The following TENM4 variants were observed in gnomAD, a reference collection of about 807,000 sequenced individuals.
TENM4 encodes teneurin transmembrane protein 4.
A neutral mutation model predicts 243.3 loss-of-function variants in TENM4; 82 were observed. The ratio of observed to expected loss-of-function variants is 0.34; its 90% CI spans 0.28 to 0.40. TENM4 has a LOEUF of 0.40. TENM4 is among the 10% of genes least tolerant of loss of function. The pLI is 1.00. For missense variants in TENM4, 3,138 were observed against 3,673.3 expected, an observed-to-expected ratio of 0.85 and a Z score of 3.77; for synonymous variants, 1,412 against 1,456.3, an observed-to-expected ratio of 0.97 and a Z score of 0.69.
At chr11:79,026,162 T>C in intron 6 of TENM4, among the ~76,000 whole-genome samples, 1 of 152,222 alleles carries the variant, frequency 6.6e-6, no homozygotes, top group Non-Finnish European at 1.5e-5. Context: ...TTACAGGTGG[T>C]ACAGTCGATT....
intron 4 of TENM4, among the ~76,000 whole-genome samples, chr11:79,123,623 A>G (rs1189674415): frequency 6.8e-6 from 1 of 146,302 alleles, no homozygotes. Context: ...TTTATTAAGA[A>G]TTTACTGAGC....
At position 79,173,761 on chromosome 11, in the gene TENM4, G is replaced by A. The variant is rs192067851; in HGVS notation, c.-162-24955C>T. On this transcript the variant is annotated intron_variant, in intron 3 of 33. Coordinates refer to ENST00000278550, the MANE Select transcript of TENM4 (RefSeq NM_001098816.3). ...AAGGGTATAGCAATCTGGGACTCGA[G>A]AAGTGAAAGCTGTAATAGTGCAGTT... Among the ~76,000 whole-genome samples the A allele has an allele frequency of 7.2e-5, 11 of 152,298 alleles. No individual in the cohort carries two copies. In the East Asian group the frequency reaches 1.5e-3, roughly 21 times the overall value.
At chr11:79,034,049 C>T (rs1332843475) in intron 6 of TENM4, among the ~76,000 whole-genome samples, 1 of 152,192 alleles carries the variant, frequency 6.6e-6, no homozygotes, top group Non-Finnish European at 1.5e-5. Flanking sequence ...AGCTGATTCT[C>T]AGTTTCCTTA....
chr11:78,933,247 A>T (rs947284155), intron 6 of TENM4, among the ~76,000 whole-genome samples: 46 of 152,138 alleles, frequency 3.0e-4, no homozygotes, highest in African/African-American at 1.1e-3. Context: ...TCTCCTCTAA[A>T]GAGCTGAGGA....
At chr11:79,364,502 T>C (rs1200474482) in intron 1 of TENM4, among the ~76,000 whole-genome samples, 1 of 152,150 alleles carries the variant, frequency 6.6e-6, no homozygotes, top group Non-Finnish European at 1.5e-5. Context: ...TCTCCGTAGG[T>C]ATGGGAAAGC....
At chr11:79,081,534 G>GGTGTGTGTGT (rs56237099) in intron 4 of TENM4, among the ~76,000 whole-genome samples, 14,381 of 148,132 alleles carry the variant, frequency 0.097, 780 homozygotes, top group East Asian at 0.22. Context: ...TGTCAGAGGT[G>GGTGTGTGTGT]GTGTGTGTGT....
At chr11:79,045,575 G>A (rs943797465) in intron 6 of TENM4, among the ~76,000 whole-genome samples, 1 of 152,294 alleles carries the variant, frequency 6.6e-6, no homozygotes, top group Admixed American at 6.5e-5. Flanking sequence ...GAGGGCCCTG[G>A]CCTGGCTGCT....
chr11:79,275,256 C>T (rs1364291773), intron 2 of TENM4, among the ~76,000 whole-genome samples: 10 of 145,108 alleles, frequency 6.9e-5, no homozygotes, highest in South Asian at 2.1e-4. Context: ...TGTGTGCGCG[C>T]GCATGCGGGC....
intron 1 of TENM4, among the ~76,000 whole-genome samples, chr11:79,415,725 A>C (rs897366604): frequency 2.0e-5 from 3 of 152,228 alleles, no homozygotes; most frequent in Non-Finnish European, 4.4e-5. Context: ...TAACTTAAAC[A>C]TACTTTATTG....
chr11:79,197,520 T>G (rs1863655756), intron 3 of TENM4, among the ~76,000 whole-genome samples: 1 of 152,052 alleles, frequency 6.6e-6, no homozygotes, highest in African/African-American at 2.4e-5. Flanking sequence ...GACCCCCAAG[T>G]TCACAAGTAC....
intron 14 of TENM4, among the ~76,000 whole-genome samples, chr11:78,811,587 C>T (rs943894449): frequency 8.5e-5 from 13 of 152,096 alleles, no homozygotes; most frequent in African/African-American, 1.9e-4. Flanking sequence ...CACACACACA[C>T]ACACACACAC....
intron 6 of TENM4, among the ~76,000 whole-genome samples, chr11:78,981,297 T>G (rs112202254): frequency 1.1e-3 from 170 of 152,344 alleles, no homozygotes; most frequent in African/African-American, 4.0e-3. Context: ...CAGAACACTC[T>G]ATGATTCAGA....
chr11:79,436,789 G>A (rs1054890797), intron 1 of TENM4, among the ~76,000 whole-genome samples: 3 of 152,144 alleles, frequency 2.0e-5, no homozygotes, highest in African/African-American at 7.2e-5. Context: ...AACAAGATGA[G>A]AGCAGAGGAA....
chr11:79,159,335 A>T (rs1273395821), intron 3 of TENM4, among the ~76,000 whole-genome samples: 1 of 152,218 alleles, frequency 6.6e-6, no homozygotes, highest in Non-Finnish European at 1.5e-5. Context: ...GTAGTATCTG[A>T]TTTAATCTTA....
At chr11:78,718,504 C>T (rs1422486041) in intron 25 of TENM4, among the ~76,000 whole-genome samples, 1 of 152,184 alleles carries the variant, frequency 6.6e-6, no homozygotes, top group Non-Finnish European at 1.5e-5. Context: ...GGTGAATGTG[C>T]AGCAGGGCTG....
At chr11:79,089,182 G>A (rs371937767) in intron 4 of TENM4, among the ~76,000 whole-genome samples, 2 of 152,178 alleles carry the variant, frequency 1.3e-5, no homozygotes, top group East Asian at 1.9e-4. Flanking sequence ...TCAAAGGGAG[G>A]GTTTTAATTG....
chr11:78,676,466 G>A (rs752324812), intron 29 of TENM4, 79 bp from the exon 30 acceptor site: 4 of 1,222,830 alleles, frequency 3.3e-6, no homozygotes, highest in Non-Finnish European at 2.2e-6. Context: ...GGCGGTGGAG[G>A]GGACTTTAAA....
At chr11:79,167,115 C>G (rs1037591627) in intron 3 of TENM4, among the ~76,000 whole-genome samples, 5 of 148,700 alleles carry the variant, frequency 3.4e-5, no homozygotes, top group African/African-American at 1.2e-4. Flanking sequence ...GCGGTTCAGG[C>G]CGGCACGGCA....
At position 78,657,132 on chromosome 11, in the gene TENM4, T is replaced by C. The variant is rs890854201; in HGVS notation, c.*926A>G. On this transcript the variant is annotated 3_prime_UTR_variant, in exon 34 of 34. Transcript: ENST00000278550. ...CTGTTCTGTGGACATGGTGCCCACA[T>C]TGAAGGCTTGCTGTGCAGTGCTCGT... The C allele has an allele frequency of 2.5e-6, 1 of 398,640 alleles. No individual in the cohort carries two copies. The highest frequency in any genetic ancestry group is 4.4e-6 in the Non-Finnish European group (1 of 226,084). 24.7% of individuals were successfully genotyped at this position (398,640 alleles called of 1,614,324 possible).
Sources: gnomAD v4.1 joint callset for allele counts (sites outside exome capture counted in the v4.1 genomes callset) on GRCh38, gnomAD v4.1.1 for gene constraint, MANE v1.5 for transcripts, NCBI Gene and HGNC (gene_info 2026-07-23, HGNC 2026-07-21) for gene names.